The following KSR1 variants were observed in gnomAD, a reference collection of about 807,000 sequenced individuals.
The protein encoded by KSR1 is kinase suppressor of ras 1, also known as kinase suppressor of ras.
Under a neutral mutation model 92.9 loss-of-function variants are expected in KSR1, and 35 were observed. The observed-to-expected ratio is 0.38, with a 90% confidence interval of 0.29 to 0.50. KSR1 has a LOEUF of 0.50. Among genes scored for constraint, KSR1 ranks in the 20% least tolerant of loss-of-function variants. The probability of loss-of-function intolerance (pLI) is 0.94; values close to 1 mark genes in which losing one functional copy is unlikely to be tolerated. For missense variants in KSR1, 972 were observed against 1,158.5 expected (o/e 0.84, Z 2.34); for synonymous variants, 467 against 472.6 (o/e 0.99, Z 0.15).
intron 7 of KSR1, among the ~76,000 whole-genome samples, chr17:27,591,315 A>G (rs1028058709): frequency 3.3e-5 from 5 of 152,122 alleles, no homozygotes; most frequent in African/African-American, 1.2e-4. Context: ...GTCCAACTTT[A>G]TTTTCTCATG....
chr17:27,546,523 C>G (rs1176740471), intron 1 of KSR1, among the ~76,000 whole-genome samples: 2 of 152,130 alleles, frequency 1.3e-5, no homozygotes, highest in Non-Finnish European at 2.9e-5. Context: ...GATAGTAACT[C>G]CATGATCAGG....
chr17:27,511,340 C>G (rs534814701), intron 1 of KSR1, among the ~76,000 whole-genome samples: 1 of 152,190 alleles, frequency 6.6e-6, no homozygotes, highest in South Asian at 2.1e-4. Context: ...TGCACTTGCT[C>G]ACCAGTGTGG....
At chr17:27,500,516 A>G (rs1411689454) in intron 1 of KSR1, among the ~76,000 whole-genome samples, 1 of 152,200 alleles carries the variant, frequency 6.6e-6, no homozygotes, top group Admixed American at 6.5e-5. Flanking sequence ...TTAGCCATGC[A>G]CCTGGACCAA....
At chr17:27,526,570 A>T in intron 1 of KSR1, 1 of 1,598,044 alleles carries the variant, frequency 6.3e-7, no homozygotes. Flanking sequence ...CACCTCATTC[A>T]TTTGTATCAG....
chr17:27,551,098 T>G (rs2071383095), intron 2 of KSR1, among the ~76,000 whole-genome samples: 1 of 152,234 alleles, frequency 6.6e-6, no homozygotes, highest in Non-Finnish European at 1.5e-5. Flanking sequence ...CATTTTATAC[T>G]CGAGGAAATT....
At chr17:27,579,437 C>G (rs1342194411) in intron 3 of KSR1, 2 of 152,248 alleles carry the variant, frequency 1.3e-5, no homozygotes, top group African/African-American at 4.8e-5. Context: ...CGACACCTCT[C>G]TCAGGGTTGT....
rs1392495253 is a variant in KSR1, at chr17:27,486,094, A to G, written c.231+29220A>G. 2.0e-5 allele frequency among the ~76,000 whole-genome samples: 3 copies of G among 152,342 alleles called. No individual in the cohort carries two copies. The East Asian group carries it at 5.8e-4, about 29-fold the overall frequency. ...TAAATAAGGAAGTATTAGAATTTGG[A>G]TTAAGTTGTTTCTGGCCTCCAATAC... On this transcript the variant is annotated intron_variant, in intron 1 of 20. Transcript: ENST00000644974.
At chr17:27,570,027 G>C (rs2072244505) in intron 2 of KSR1, among the ~76,000 whole-genome samples, 1 of 152,322 alleles carries the variant, frequency 6.6e-6, no homozygotes, top group East Asian at 1.9e-4. Flanking sequence ...GTTGAAAAGT[G>C]CCAGCCTCCT....
intron 1 of KSR1, among the ~76,000 whole-genome samples, chr17:27,523,508 G>C (rs1215793365): frequency 6.6e-6 from 1 of 152,236 alleles, no homozygotes; most frequent in African/African-American, 2.4e-5. Context: ...TAAACAGCTG[G>C]AGGCTTCCAG....
At chr17:27,601,103 C>T (rs1012324848) in intron 10 of KSR1, among the ~76,000 whole-genome samples, 4 of 152,204 alleles carry the variant, frequency 2.6e-5, no homozygotes, top group East Asian at 1.9e-4. Context: ...TGCTGGTGAC[C>T]GGAGACGGGG....
intron 1 of KSR1, among the ~76,000 whole-genome samples, chr17:27,520,500 A>G (rs1392840708): frequency 1.3e-5 from 2 of 152,340 alleles, no homozygotes; most frequent in Middle Eastern, 3.4e-3. Flanking sequence ...GGTGCGCATA[A>G]TAAGTGTTGT....
rs1206604299 is a variant in KSR1, at chr17:27,624,120, G to A, written c.*728G>A. The A allele has an allele frequency of 1.3e-5, 2 of 153,196 alleles. No homozygotes were observed. Among genetic ancestry groups the A allele is most frequent in the Non-Finnish European group, 2.9e-5 (2 of 68,804 alleles). 9.5% of individuals were successfully genotyped at this position (153,196 alleles called of 1,614,324 possible). Reference sequence around the variant, plus strand: ...AGCCAGGGTTTCTGCTGCAAGGTGAGGAAACATCCATGGCTTGTACAGATG... The same window carrying A: ...AGCCAGGGTTTCTGCTGCAAGGTGAAGAAACATCCATGGCTTGTACAGATG... On this transcript the variant is annotated 3_prime_UTR_variant, in exon 21 of 21. Transcript: ENST00000644974.
At chr17:27,478,005 A>G (rs2068397080) in intron 1 of KSR1, among the ~76,000 whole-genome samples, 1 of 152,160 alleles carries the variant, frequency 6.6e-6, no homozygotes, top group Non-Finnish European at 1.5e-5. Context: ...GGCGTGAGGC[A>G]CCACACCTGG....
chr17:27,590,855 A>G lies in KSR1; in HGVS notation c.1091A>G (p.Gln364Arg), dbSNP rs2073142411. 1.9e-6 allele frequency: 3 copies of G among 1,612,176 alleles called. No individual in the cohort carries two copies. Among genetic ancestry groups the G allele is most frequent in the Admixed American group, 1.7e-5 (1 of 59,814 alleles). The change falls in exon 7 of 21, where the codon CAG becomes CGG. Residue 364 changes from glutamine (Q) to arginine (R), a missense_variant. Around this residue, in one of 5 missense-constraint regions of KSR1, gnomAD observed 611 missense variants for 668.0 expected, o/e 0.91. Transcript: ENST00000644974. ...SWLSQVCHVC[Q>R]KSMIFGVKCK... ...CTGTCGCAGGTCTGCCACGTGTGCC[A>G]GAAGAGCATGATATTTGGAGTGAAG... is the stretch of plus-strand genomic sequence containing the variant.
rs73983479 is a variant in KSR1, at chr17:27,582,971, G to A, written c.846G>A (p.Lys282=). ...PTTPQLRRHT[K]LKPPRTPPPP... Reference sequence around the variant, plus strand: ...CACCCCAGCTGCGACGGCACACCAAGCTGAAGCCACCACGGACGCCCCCCC... The same window carrying A: ...CACCCCAGCTGCGACGGCACACCAAACTGAAGCCACCACGGACGCCCCCCC... Residue 282 remains lysine (K), a synonymous_variant, in exon 4 of 21, where the codon AAG becomes AAA. Coordinates refer to ENST00000644974, the MANE Select transcript of KSR1 (RefSeq NM_001394583.1). 433 of 1,227,226 alleles carry A rather than the reference G, an allele frequency of 3.5e-4. 2 individuals carry two copies. In the African/African-American group the frequency reaches 6.9e-3, roughly 20 times the overall value. The allele number at this position is 1,227,226 out of a possible 1,614,324, so 76.0% of individuals were successfully genotyped here.
intron 1 of KSR1, among the ~76,000 whole-genome samples, chr17:27,512,648 G>C (rs1337514683): frequency 6.6e-6 from 1 of 152,176 alleles, no homozygotes; most frequent in Non-Finnish European, 1.5e-5. Flanking sequence ...GCTTGAACCT[G>C]GGAGGCGGAG....
At chr17:27,547,331 G>C (rs976337320) in intron 1 of KSR1, among the ~76,000 whole-genome samples, 7 of 152,200 alleles carry the variant, frequency 4.6e-5, no homozygotes, top group African/African-American at 1.4e-4. Context: ...ATAGAATTCA[G>C]GGGGTCCATC....
At position 27,605,688 on chromosome 17, in the gene KSR1, C is replaced by T. The variant is rs1472241808; in HGVS notation, c.1869C>T (p.Gly623=). 1 of 1,612,844 alleles carries T rather than the reference C, an allele frequency of 6.2e-7. No homozygotes were observed. The highest frequency in any genetic ancestry group is 8.5e-7 in the Non-Finnish European group (1 of 1,179,840). Residue 623 remains glycine (G), a synonymous_variant, in exon 14 of 21, where the codon GGC becomes GGT. Coordinates refer to ENST00000644974, the MANE Select transcript of KSR1 (RefSeq NM_001394583.1). ...CCATTCGCCTGCTGGAGATGGACGG[C>T]CACAACCAGGACCACCTGAAGCTCT... ...EVAIRLLEMD[G]HNQDHLKLFK...
At chr17:27,596,945 G>A (rs113539539) in intron 9 of KSR1, among the ~76,000 whole-genome samples, 2 of 152,194 alleles carry the variant, frequency 1.3e-5, no homozygotes, top group African/African-American at 4.8e-5. Flanking sequence ...CAGTAGACAC[G>A]GTGCCCTGAT....
Sources: gnomAD v4.1 joint callset for allele counts (sites outside exome capture counted in the v4.1 genomes callset) on GRCh38, gnomAD v4.1.1 for gene constraint, gnomAD v4.1.1 regional missense constraint, MANE v1.5 for transcripts, NCBI Gene and HGNC (gene_info 2026-07-23, HGNC 2026-07-21) for gene names.